SAXO1: variants seen among roughly 807,000 people sequenced by gnomAD.
SAXO1 encodes stabilizer of axonemal microtubules 1, also known as 4930500O09Rik.
SAXO1 carries 21 observed loss-of-function variants against 17.5 expected under a neutral mutation model. The ratio of observed to expected loss-of-function variants is 1.20; its 90% CI spans 0.85 to 1.72. SAXO1 has a LOEUF of 1.72. Among genes scored for constraint, SAXO1 ranks in the 40% most tolerant of loss-of-function variants. The pLI is 0.00. For synonymous variants in SAXO1, 274 were observed against 216.5 expected, an observed-to-expected ratio of 1.27 and a Z score of -2.33; for missense variants, 843 against 596.0, an observed-to-expected ratio of 1.41 and a Z score of -4.32.
chr9:18,964,111 G>T (rs901602748), intron 1 of SAXO1, among the ~76,000 whole-genome samples: 4 of 152,186 alleles, frequency 2.6e-5, no homozygotes, highest in African/African-American at 9.7e-5. Context: ...TCGCATCCTA[G>T]GAATGAAGCT....
At chr9:18,947,124 T>C (rs1831828799) in intron 2 of SAXO1, among the ~76,000 whole-genome samples, 1 of 152,250 alleles carries the variant, frequency 6.6e-6, no homozygotes, top group African/African-American at 2.4e-5. Context: ...CCGAGAACTC[T>C]ACCTACATTG....
intron 3 of SAXO1, among the ~76,000 whole-genome samples, chr9:18,937,752 A>G (rs1831362125): frequency 6.6e-6 from 1 of 152,206 alleles, no homozygotes; most frequent in African/African-American, 2.4e-5. Flanking sequence ...TTGGAAGCAG[A>G]GAGCAGACCC....
chr9:18,974,343 T>A (rs1012330284), intron 1 of SAXO1, among the ~76,000 whole-genome samples: 4 of 152,248 alleles, frequency 2.6e-5, no homozygotes, highest in African/African-American at 9.6e-5. Flanking sequence ...ATTTTCCATG[T>A]GTTTGTGTGT....
intron 1 of SAXO1, chr9:19,027,714 A>G (rs1271510054): frequency 7.2e-7 from 1 of 1,397,502 alleles, no homozygotes; most frequent in African/African-American, 1.4e-5. Flanking sequence ...ATAGGCACCA[A>G]GCACTTTGAC....
intron 1 of SAXO1, among the ~76,000 whole-genome samples, chr9:19,047,962 G>T (rs1287697979): frequency 6.6e-6 from 1 of 152,172 alleles, no homozygotes; most frequent in East Asian, 1.9e-4. Flanking sequence ...AGAAGAGGTA[G>T]CACCAAGGAG....
intron 1 of SAXO1, among the ~76,000 whole-genome samples, chr9:18,994,157 G>A (rs571183413): frequency 1.2e-4 from 18 of 152,296 alleles, no homozygotes; most frequent in African/African-American, 3.8e-4. Context: ...ATTCAGACAG[G>A]TGTCAAGCAG....
At chr9:18,930,496 G>A (rs1230196098) in intron 3 of SAXO1, among the ~76,000 whole-genome samples, 2 of 143,572 alleles carry the variant, frequency 1.4e-5, no homozygotes, top group Non-Finnish European at 3.0e-5. Flanking sequence ...TGGCACTGCT[G>A]GAACTTTTTT....
In SAXO1 at chr9:18,928,504, C is replaced by T. The variant is rs977162818; in HGVS notation, c.973G>A (p.Ala325Thr). ...KGAPAQSCRPALQIKKCGRFE... is the reference protein window; with the variant it reads ...KGAPAQSCRPTLQIKKCGRFE... The stretch of plus-strand genomic sequence containing the variant: ...CGACCGCACTTCTTAATCTGAAGTG[C>T]AGGTCGGCAGGACTGAGCTGGGGCA... Residue 325 changes from alanine (A) to threonine (T), a missense_variant, in exon 4 of 4, where the codon GCA (alanine) becomes ACA (threonine). Physicochemically the swap from Ala to Thr is moderately conservative, Grantham distance 58 (BLOSUM62 0). Transcript: ENST00000380534. 2 of 1,613,642 alleles carry T rather than the reference C, an allele frequency of 1.2e-6. No homozygotes were observed. The highest frequency in any genetic ancestry group is 1.7e-6 in the Non-Finnish European group (2 of 1,179,870).
At chr9:19,014,912 G>A (rs1834907242) in intron 1 of SAXO1, among the ~76,000 whole-genome samples, 1 of 152,150 alleles carries the variant, frequency 6.6e-6, no homozygotes, top group Non-Finnish European at 1.5e-5. Flanking sequence ...AGAGACCTCA[G>A]AGATCGTGAA....
chr9:19,022,253 G>A (rs1033732379), intron 1 of SAXO1, among the ~76,000 whole-genome samples: 2 of 152,206 alleles, frequency 1.3e-5, no homozygotes, highest in Admixed American at 6.5e-5. Flanking sequence ...CCACTGGAAG[G>A]AAGAAACTCT....
In SAXO1 at chr9:19,009,232, A is replaced by T. The variant is rs1467525461; in HGVS notation, c.38+23639T>A. ...AAAAAAAATCTTCACATTGTTTTTC[A>T]AATCTGCCAAATTTAAAAAAAAAAT... On this transcript the variant is annotated intron_variant, in intron 1 of 3. Transcript: ENST00000380534. Among the ~76,000 whole-genome samples the T allele has an allele frequency of 6.9e-5, 8 of 116,072 alleles. No individual in the cohort carries two copies. The South Asian group carries it at 2.3e-3, about 33-fold the overall frequency. The allele number at this position is 116,072 out of a possible 152,430, so 76.1% of individuals were successfully genotyped here. A position where few individuals can be genotyped will look rare whatever the true frequency, so the allele number is the denominator to read the frequency against.
chr9:19,001,133 A>C (rs1264750273), intron 1 of SAXO1, among the ~76,000 whole-genome samples: 1 of 152,244 alleles, frequency 6.6e-6, no homozygotes, highest in East Asian at 1.9e-4. Flanking sequence ...TCAACAGAAT[A>C]TACATTCTTC....
intron 1 of SAXO1, among the ~76,000 whole-genome samples, chr9:19,001,715 G>T (rs1050838262): frequency 6.6e-6 from 1 of 150,920 alleles, no homozygotes; most frequent in East Asian, 1.9e-4. Context: ...AAGACACAAC[G>T]TACCAGAATA....
chr9:18,980,773 A>T (rs1385156367), intron 1 of SAXO1, among the ~76,000 whole-genome samples: 6 of 126,972 alleles, frequency 4.7e-5, no homozygotes, highest in Admixed American at 8.1e-5. Context: ...GCATATTTTT[A>T]AAAAACTGAA....
At chr9:19,027,580 A>G in intron 1 of SAXO1, 1 of 1,400,700 alleles carries the variant, frequency 7.1e-7, no homozygotes, top group Non-Finnish European at 1.0e-6. Context: ...CCACCTTCCT[A>G]AAGCTGACTG....
intron 3 of SAXO1, among the ~76,000 whole-genome samples, chr9:18,930,653 C>T (rs990287936): frequency 2.6e-5 from 4 of 151,764 alleles, no homozygotes; most frequent in Admixed American, 1.3e-4. Flanking sequence ...GCATGTGCCA[C>T]CGCACCCGGC....
intron 1 of SAXO1, among the ~76,000 whole-genome samples, chr9:19,015,077 G>A (rs12377956): frequency 0.033 from 5,062 of 152,268 alleles, 117 homozygotes; most frequent in Middle Eastern, 0.071. Context: ...CTGGTGTCAC[G>A]TGTCAAAGCT....
chr9:18,989,374 T>C (rs1231729204), intron 1 of SAXO1, among the ~76,000 whole-genome samples: 2 of 152,190 alleles, frequency 1.3e-5, no homozygotes, highest in Admixed American at 6.5e-5. Flanking sequence ...TGCATTGATG[T>C]TTATAAAAAG....
At chr9:19,014,478 GTTAA>G (rs1293159783) in intron 1 of SAXO1, among the ~76,000 whole-genome samples, 1 of 99,878 alleles carries the variant, frequency 1.0e-5, no homozygotes, top group East Asian at 3.0e-4. Context: ...AAAAAAAAAA[GTTAA>G]TTAATTAAAT....
Sources: gnomAD v4.1 joint callset for allele counts (sites outside exome capture counted in the v4.1 genomes callset) on GRCh38, gnomAD v4.1.1 for gene constraint, MANE v1.5 for transcripts, NCBI Gene and HGNC (gene_info 2026-07-23, HGNC 2026-07-21) for gene names.